DIPK1A: variants seen among roughly 807,000 people sequenced by gnomAD.
DIPK1A encodes family with sequence similarity 69 member A.
In DIPK1A, 27 loss-of-function variants were observed where a neutral mutation model predicts 40.8. That is an observed-to-expected ratio of 0.66 (90% CI 0.49 to 0.91). The LOEUF is 0.91. DIPK1A is among the 40% of genes least tolerant of loss of function. The probability of loss-of-function intolerance (pLI) is 0.00; values close to 1 mark genes in which losing one functional copy is unlikely to be tolerated. For missense variants in DIPK1A, 412 were observed against 505.7 expected (o/e 0.81, Z 1.78); for synonymous variants, 166 against 171.3 (o/e 0.97, Z 0.24).
chr1:92,843,170 A>G lies in DIPK1A; in HGVS notation c.*213T>C. On this transcript the variant is annotated 3_prime_UTR_variant, in exon 5 of 5. Transcript: ENST00000370310. ...CACAATGAATGTACTTCGGAGATGT[A>G]ACAGGGCTTCTAAAAGGGCAGGAAT... 7.6e-7 allele frequency: 1 copy of G among 1,315,882 alleles called. No individual in the cohort carries two copies. Among genetic ancestry groups the G allele is most frequent in the Non-Finnish European group, 9.7e-7 (1 of 1,029,392 alleles). The allele number at this position is 1,315,882 out of a possible 1,614,324, so 81.5% of individuals were successfully genotyped here. A position where few individuals can be genotyped will look rare whatever the true frequency, so the allele number is the denominator to read the frequency against.
intron 1 of DIPK1A, among the ~76,000 whole-genome samples, chr1:92,898,764 T>C (rs1317644322): frequency 6.6e-6 from 1 of 152,058 alleles, no homozygotes; most frequent in Non-Finnish European, 1.5e-5. Flanking sequence ...ATTACAGGTA[T>C]GAGTCTGTCT....
Position 92,892,411 on chromosome 1 carries a change from C to T in DIPK1A, c.55-15981G>A, listed in dbSNP as rs531862571. On this transcript the variant is annotated intron_variant, in intron 1 of 4. Coordinates refer to ENST00000370310, the MANE Select transcript of DIPK1A (RefSeq NM_001006605.5). ...CCCAGGGTCTGGAGTGGACCTCCAGCAAACTCCAACAGAACTGCAGCTGAG... is the reference window on the plus strand; with the variant it reads ...CCCAGGGTCTGGAGTGGACCTCCAGTAAACTCCAACAGAACTGCAGCTGAG... Among the ~76,000 whole-genome samples, 4 of 152,216 alleles carry T rather than the reference C, an allele frequency of 2.6e-5. No homozygotes were observed. The East Asian group carries it at 7.7e-4, about 29-fold the overall frequency.
rs374167227 is a variant in DIPK1A at position 92,936,403 on chromosome 1, A to T, written c.54+24973T>A. ...AACACTTTGGGAGGCCGAGGCAGGC[A>T]GATCACCCGAGGTCGGGAGTTTGAG... On this transcript the variant is annotated intron_variant, in intron 1 of 4. Coordinates refer to ENST00000370310, the MANE Select transcript of DIPK1A (RefSeq NM_001006605.5). Among the ~76,000 whole-genome samples, 42 of 152,216 alleles carry T rather than the reference A, an allele frequency of 2.8e-4. 1 individual carries two copies. The highest frequency in any genetic ancestry group is 9.9e-4 in the African/African-American group (41 of 41,560).
At chr1:92,945,531 G>A (rs1651327664) in intron 1 of DIPK1A, among the ~76,000 whole-genome samples, 1 of 152,154 alleles carries the variant, frequency 6.6e-6, no homozygotes, top group Admixed American at 6.5e-5. Flanking sequence ...TCATATTTTA[G>A]GGGGTACTAA....
chr1:92,838,680 C>G (rs1014421694), downstream of DIPK1A, among the ~76,000 whole-genome samples: 6 of 152,332 alleles, frequency 3.9e-5, no homozygotes, highest in African/African-American at 1.4e-4. Context: ...GTCTTTACCT[C>G]AATTCAGGCA....
At chr1:92,841,803 G>A (rs764283613), downstream of DIPK1A, 7 of 1,611,608 alleles carry the variant, frequency 4.3e-6, no homozygotes, top group Non-Finnish European at 5.9e-6. Context: ...TCAGAAGAAG[G>A]ATCGGGTAGC....
chr1:92,881,326 CAAAAAA>C (rs3042466), intron 1 of DIPK1A, among the ~76,000 whole-genome samples: 2 of 112,796 alleles, frequency 1.8e-5, no homozygotes, highest in Non-Finnish European at 3.6e-5. Flanking sequence ...GACTCTGTCT[CAAAAAA>C]AAAAAAAAAA....
intron 1 of DIPK1A, among the ~76,000 whole-genome samples, chr1:92,908,854 A>C (rs1387203678): frequency 6.6e-6 from 1 of 152,198 alleles, no homozygotes; most frequent in African/African-American, 2.4e-5. Context: ...CTAGAGCAGA[A>C]GGAAGAGTGT....
At chr1:92,877,314 A>G (rs1215395039) in intron 1 of DIPK1A, among the ~76,000 whole-genome samples, 5 of 152,220 alleles carry the variant, frequency 3.3e-5, no homozygotes, top group Admixed American at 3.3e-4. Context: ...GGTTTTATAA[A>G]CAGCAGAACT....
intron 1 of DIPK1A, among the ~76,000 whole-genome samples, chr1:92,897,297 C>A (rs1388476421): frequency 6.6e-6 from 1 of 152,122 alleles, no homozygotes; most frequent in Admixed American, 6.5e-5. Flanking sequence ...AAATGTGGCA[C>A]ATATACACCA....
intron 1 of DIPK1A, among the ~76,000 whole-genome samples, chr1:92,927,274 A>G (rs1315928488): frequency 6.6e-6 from 1 of 152,054 alleles, no homozygotes; most frequent in Non-Finnish European, 1.5e-5. Flanking sequence ...ACAAGGTCAC[A>G]GCCTTGACCT....
At chr1:92,940,218 G>A (rs964377030) in intron 1 of DIPK1A, among the ~76,000 whole-genome samples, 5 of 152,074 alleles carry the variant, frequency 3.3e-5, no homozygotes, top group African/African-American at 4.8e-5. Flanking sequence ...ATGAGTGTCC[G>A]ACATCACTCT....
intron 1 of DIPK1A, among the ~76,000 whole-genome samples, chr1:92,945,885 T>C (rs963876235): frequency 2.0e-5 from 3 of 152,224 alleles, no homozygotes; most frequent in African/African-American, 7.2e-5. Flanking sequence ...GGGGAGAAAC[T>C]GTGGCCGATG....
intron 2 of DIPK1A, among the ~76,000 whole-genome samples, chr1:92,853,326 A>G (rs1191543117): frequency 6.6e-6 from 1 of 152,230 alleles, no homozygotes; most frequent in Non-Finnish European, 1.5e-5. Context: ...TGAATGTCCC[A>G]AGAAAAACTG....
intron 2 of DIPK1A, among the ~76,000 whole-genome samples, chr1:92,874,698 G>GT (rs1648033797): frequency 6.6e-6 from 1 of 152,136 alleles, no homozygotes; most frequent in Non-Finnish European, 1.5e-5. Flanking sequence ...ACTGAGTTTT[G>GT]TGGGGTTTTA....
intron 1 of DIPK1A, among the ~76,000 whole-genome samples, chr1:92,897,290 T>G (rs963913761): frequency 5.9e-5 from 9 of 151,988 alleles, no homozygotes; most frequent in African/African-American, 2.2e-4. Flanking sequence ...ATTAAGAAAA[T>G]GTGGCACATA....
chr1:92,846,847 G>GTATATA (rs1204178725), intron 4 of DIPK1A, among the ~76,000 whole-genome samples: 9 of 350 alleles, frequency 0.026, 4 homozygotes, highest in African/African-American at 0.076. Flanking sequence ...ATATATGTGT[G>GTATATA]TATATATATA....
intron 1 of DIPK1A, among the ~76,000 whole-genome samples, chr1:92,951,810 A>G (rs145012554): frequency 8.5e-5 from 13 of 152,274 alleles, no homozygotes; most frequent in African/African-American, 2.9e-4. Flanking sequence ...AAAATTTAAA[A>G]GACTAATACA....
intron 1 of DIPK1A, among the ~76,000 whole-genome samples, chr1:92,891,052 T>C (rs1277016571): frequency 6.6e-6 from 1 of 152,130 alleles, no homozygotes; most frequent in Non-Finnish European, 1.5e-5. Context: ...TGGTAGAATG[T>C]TTATGTCCAA....
Sources: allele counts gnomAD v4.1 joint callset (sites outside exome capture counted in the v4.1 genomes callset), GRCh38; gene constraint gnomAD v4.1.1; transcripts MANE v1.5; gene names NCBI Gene and HGNC (gene_info 2026-07-23, HGNC 2026-07-21).